Variants in CSMD1 observed in about 807,000 individuals in gnomAD.
The protein encoded by CSMD1 is CUB and sushi domain-containing protein 1.
In CSMD1, 213 loss-of-function variants were observed where a neutral mutation model predicts 417.5. The observed-to-expected ratio is 0.51, with a 90% confidence interval of 0.46 to 0.57. The LOEUF (loss-of-function observed/expected upper bound fraction) is 0.57. Ranked by LOEUF, CSMD1 falls within the 20% of genes least tolerant of loss-of-function variation. The pLI is 0.00. For synonymous variants in CSMD1, 2,862 were observed against 1,736.8 expected (o/e 1.65, Z -16.11); for missense variants, 6,923 against 4,529.7 (o/e 1.53, Z -15.17).
At chr8:4,063,047 A>C (rs1218864241) in intron 3 of CSMD1, among the ~76,000 whole-genome samples, 1 of 152,198 alleles carries the variant, frequency 6.6e-6, no homozygotes, top group Non-Finnish European at 1.5e-5. Context: ...ACGTTGGCTA[A>C]TAGGGATAAA....
intron 3 of CSMD1, among the ~76,000 whole-genome samples, chr8:4,204,077 G>C (rs1358731147): frequency 1.3e-5 from 2 of 152,042 alleles, no homozygotes; most frequent in African/African-American, 4.8e-5. Context: ...CTCCAGCCTG[G>C]GTGACAGAAC....
intron 41 of CSMD1, among the ~76,000 whole-genome samples, chr8:3,122,945 A>G (rs1817291359): frequency 1.3e-5 from 2 of 152,204 alleles, no homozygotes; most frequent in Admixed American, 1.3e-4. Context: ...AATCTTTTAC[A>G]TCATACTTGG....
At chr8:3,861,824 T>C (rs1043709637) in intron 5 of CSMD1, among the ~76,000 whole-genome samples, 1 of 152,222 alleles carries the variant, frequency 6.6e-6, no homozygotes, top group African/African-American at 2.4e-5. Context: ...ATTACAGATG[T>C]GACCTATGAA....
Position 4,911,993 on chromosome 8 carries a change from C to T in CSMD1, c.85+82339G>A, listed in dbSNP as rs368007776. 6.1e-4 allele frequency among the ~76,000 whole-genome samples: 93 copies of T among 151,294 alleles called. 1 individual carries two copies. In the South Asian group the frequency reaches 0.017, roughly 27 times the overall value. ...TTTAATAATTTCTCCACAAGAAGTA[C>T]GTACTCTTTTGGTCTTTCTTCTGTA... On this transcript the variant is annotated intron_variant, in intron 1 of 69. Coordinates refer to ENST00000635120, the MANE Select transcript of CSMD1 (RefSeq NM_033225.6).
chr8:4,326,347 G>C (rs565491108), intron 3 of CSMD1, among the ~76,000 whole-genome samples: 17 of 152,140 alleles, frequency 1.1e-4, no homozygotes, highest in Non-Finnish European at 1.9e-4. Context: ...TTCAGACATG[G>C]GGCAACCTGA....
At chr8:3,570,724 C>T (rs936195330) in intron 10 of CSMD1, among the ~76,000 whole-genome samples, 3 of 152,074 alleles carry the variant, frequency 2.0e-5, no homozygotes, top group African/African-American at 7.2e-5. Context: ...GCCAAAAATA[C>T]CCTATGGAGG....
At chr8:4,377,752 G>C (rs920219084) in intron 3 of CSMD1, among the ~76,000 whole-genome samples, 1 of 152,114 alleles carries the variant, frequency 6.6e-6, no homozygotes, top group Non-Finnish European at 1.5e-5. Context: ...ACAACTATTA[G>C]GCTATCAGGA....
chr8:3,045,464 A>G (rs980374250), intron 50 of CSMD1, among the ~76,000 whole-genome samples: 2 of 152,200 alleles, frequency 1.3e-5, no homozygotes, highest in African/African-American at 2.4e-5. Context: ...AAACCGTTCT[A>G]TTGATTGATA....
intron 1 of CSMD1, among the ~76,000 whole-genome samples, chr8:4,898,122 A>T (rs1804623954): frequency 6.6e-6 from 1 of 152,132 alleles, no homozygotes. Flanking sequence ...GTAAATAAAT[A>T]TTGCCCATAT....
chr8:4,121,340 C>T (rs559955890), intron 3 of CSMD1, among the ~76,000 whole-genome samples: 4 of 152,234 alleles, frequency 2.6e-5, no homozygotes, highest in African/African-American at 4.8e-5. Context: ...GTCTCAAACT[C>T]CTGACCTCAG....
At chr8:3,719,519 G>C (rs1802027102) in intron 6 of CSMD1, among the ~76,000 whole-genome samples, 1 of 152,196 alleles carries the variant, frequency 6.6e-6, no homozygotes, top group African/African-American at 2.4e-5. Flanking sequence ...TCATTACAAT[G>C]AAGACTTTGG....
chr8:4,626,387 G>C (rs867638875), intron 2 of CSMD1, among the ~76,000 whole-genome samples: 2 of 151,910 alleles, frequency 1.3e-5, no homozygotes, highest in South Asian at 4.2e-4. Context: ...ACAGATATTG[G>C]TTATAAAGTA....
At chr8:4,505,214 G>A (rs985049123) in intron 2 of CSMD1, among the ~76,000 whole-genome samples, 4 of 152,124 alleles carry the variant, frequency 2.6e-5, no homozygotes, top group African/African-American at 9.7e-5. Flanking sequence ...CCAGTTAGAG[G>A]TCTTGATTTG....
chr8:3,704,410 C>T (rs969340746), intron 7 of CSMD1, among the ~76,000 whole-genome samples: 12 of 152,138 alleles, frequency 7.9e-5, no homozygotes, highest in Admixed American at 2.0e-4. Context: ...TAAAACAAAT[C>T]CACAGTTATA....
intron 2 of CSMD1, among the ~76,000 whole-genome samples, chr8:4,455,839 G>C (rs756384947): frequency 1.4e-5 from 2 of 138,968 alleles, no homozygotes; most frequent in Non-Finnish European, 3.0e-5. Context: ...GCTGAGGCAA[G>C]ATAACTGCTT....
intron 5 of CSMD1, among the ~76,000 whole-genome samples, chr8:3,884,588 C>T (rs575036507): frequency 6.6e-6 from 1 of 152,264 alleles, no homozygotes; most frequent in South Asian, 2.1e-4. Flanking sequence ...CACATGGAAA[C>T]ATCGGTGAGA....
At chr8:4,846,255 T>G (rs1424416752) in intron 1 of CSMD1, among the ~76,000 whole-genome samples, 1 of 152,236 alleles carries the variant, frequency 6.6e-6, no homozygotes, top group African/African-American at 2.4e-5. Context: ...ACTTTCAAAT[T>G]TGGAAATGTG....
At chr8:3,271,212 AATG>A (rs1474477012) in intron 26 of CSMD1, among the ~76,000 whole-genome samples, 1 of 151,784 alleles carries the variant, frequency 6.6e-6, no homozygotes, top group Non-Finnish European at 1.5e-5. Context: ...GTTTACTGAG[AATG>A]ATGATTTCCA....
chr8:4,485,874 A>T (rs1801349914), intron 2 of CSMD1, among the ~76,000 whole-genome samples: 2 of 152,002 alleles, frequency 1.3e-5, no homozygotes, highest in Non-Finnish European at 1.5e-5. Flanking sequence ...GTGACATTTC[A>T]CTCTGACCAG....
Sources: gnomAD v4.1 joint callset for allele counts (sites outside exome capture counted in the v4.1 genomes callset) on GRCh38, gnomAD v4.1.1 for gene constraint, MANE v1.5 for transcripts, NCBI Gene and HGNC (gene_info 2026-07-23, HGNC 2026-07-21) for gene names.